MARK3: variants seen among roughly 807,000 people sequenced by gnomAD.
MARK3 encodes MAP/microtubule affinity-regulating kinase 3.
Under a neutral mutation model 90.1 loss-of-function variants are expected in MARK3, and 46 were observed. The observed-to-expected ratio is 0.51, with a 90% confidence interval of 0.40 to 0.65. The LOEUF is 0.65. Among genes scored for constraint, MARK3 ranks in the 30% least tolerant of loss-of-function variants. The probability of loss-of-function intolerance (pLI) is 0.00; values close to 1 mark genes in which losing one functional copy is unlikely to be tolerated. For missense variants in MARK3, 818 were observed against 947.2 expected, an observed-to-expected ratio of 0.86 and a Z score of 1.79; for synonymous variants, 321 against 332.6, an observed-to-expected ratio of 0.97 and a Z score of 0.38.
chr14:103,428,363 A>C, intron 2 of MARK3, 24 bp from the exon 3 acceptor site: 2 of 1,252,744 alleles, frequency 1.6e-6, no homozygotes, highest in South Asian at 2.8e-5. Flanking sequence ...CTTAAAATCC[A>C]TAAATATTTA....
At chr14:103,429,143 G>A (rs1024981380) in intron 3 of MARK3, 1 of 152,198 alleles carries the variant, frequency 6.6e-6, no homozygotes, top group Non-Finnish European at 1.5e-5. Flanking sequence ...AATCCTTCTA[G>A]TTGTTTTTAG....
At chr14:103,396,149 T>C (rs1027566486) in intron 1 of MARK3, among the ~76,000 whole-genome samples, 1 of 113,450 alleles carries the variant, frequency 8.8e-6, no homozygotes, top group Non-Finnish European at 1.8e-5. Context: ...CTCCAGTTTT[T>C]TGCCTGAGTG....
chr14:103,411,932 T>G (rs1399272460), intron 2 of MARK3, among the ~76,000 whole-genome samples: 1 of 135,148 alleles, frequency 7.4e-6, no homozygotes, highest in Non-Finnish European at 1.6e-5. Flanking sequence ...ATGACTCTTA[T>G]TTTTCAAAAT....
chr14:103,418,486 T>G lies in MARK3; in HGVS notation c.244-9901T>G, dbSNP rs895070574. 2.0e-5 allele frequency among the ~76,000 whole-genome samples: 3 copies of G among 152,110 alleles called. No individual in the cohort carries two copies. The East Asian group carries it at 5.8e-4, about 29-fold the overall frequency. ...TGCTTTTATTGAAGACCCCAGATAT[T>G]TGTGTCCTTAGATTTCTGAGAGTAT... On this transcript the variant is annotated intron_variant, in intron 2 of 17. Transcript: ENST00000429436.
chr14:103,399,713 GAAAA>G (rs375827394), intron 1 of MARK3, among the ~76,000 whole-genome samples: 2 of 121,214 alleles, frequency 1.6e-5, no homozygotes, highest in African/African-American at 6.3e-5. Context: ...AAAAAAAAAA[GAAAA>G]AAAAAAAAAA....
At chr14:103,470,112 C>T (rs1287001947) in intron 12 of MARK3, among the ~76,000 whole-genome samples, 1 of 151,748 alleles carries the variant, frequency 6.6e-6, no homozygotes, top group Non-Finnish European at 1.5e-5. Context: ...CAGTTGTGGC[C>T]AGTAACTCTC....
intron 4 of MARK3, among the ~76,000 whole-genome samples, chr14:103,450,404 AT>A (rs1241158502): frequency 3.9e-5 from 6 of 152,126 alleles, no homozygotes; most frequent in Admixed American, 2.6e-4. Context: ...AAACATGTTT[AT>A]TTTGTCTTTT....
chr14:103,494,994 A>G (rs554228051), intron 15 of MARK3, among the ~76,000 whole-genome samples: 5 of 152,272 alleles, frequency 3.3e-5, no homozygotes, highest in Admixed American at 1.3e-4. Context: ...TATGTACATT[A>G]TATATATGCA....
intron 2 of MARK3, among the ~76,000 whole-genome samples, chr14:103,410,416 C>A (rs138713777): frequency 6.6e-6 from 1 of 152,328 alleles, no homozygotes; most frequent in Admixed American, 6.5e-5. Context: ...AGGGGACATT[C>A]ATTCAAACCA....
intron 1 of MARK3, among the ~76,000 whole-genome samples, chr14:103,394,814 G>C (rs2090475722): frequency 6.6e-6 from 1 of 152,012 alleles, no homozygotes; most frequent in Non-Finnish European, 1.5e-5. Flanking sequence ...ATGGAGTCTT[G>C]CTCTGTTGCC....
At chr14:103,468,919 A>G (rs1196560578) in intron 12 of MARK3, among the ~76,000 whole-genome samples, 1 of 151,742 alleles carries the variant, frequency 6.6e-6, no homozygotes, top group Non-Finnish European at 1.5e-5. Context: ...GTGAGCCACC[A>G]TGCCCAGCGC....
intron 3 of MARK3, among the ~76,000 whole-genome samples, chr14:103,438,233 C>G (rs1169386908): frequency 6.6e-6 from 1 of 152,112 alleles, no homozygotes; most frequent in Non-Finnish European, 1.5e-5. Flanking sequence ...GAACTCCCGA[C>G]CTCAGGTGAT....
intron 1 of MARK3, among the ~76,000 whole-genome samples, chr14:103,387,313 A>G (rs115048576): frequency 9.4e-4 from 143 of 152,320 alleles, no homozygotes; most frequent in African/African-American, 3.2e-3. Context: ...ATTAGTATAC[A>G]ATATTTAATG....
At chr14:103,428,226 A>G (rs541371800) in intron 2 of MARK3, among the ~76,000 whole-genome samples, 161 bp from the exon 3 acceptor site, 5 of 152,264 alleles carry the variant, frequency 3.3e-5, no homozygotes, top group Admixed American at 6.5e-5. Flanking sequence ...CAGTTACACA[A>G]TTTTATAAAG....
rs71126030 is a variant in MARK3 at position 103,481,757 on chromosome 14, C to CTTTTTTTTTTTTT, written c.1586+1282_1586+1294dup. ...CAGATAATGATTGATATAGGTATTTCTTTTTTTTTTTTTTTTTTTTTTTTT... is the reference window on the plus strand; with the variant it reads ...CAGATAATGATTGATATAGGTATTTCTTTTTTTTTTTTTTTTTTTTTTTTTTTTTTTTTTTTTT... On this transcript the variant is annotated intron_variant, in intron 14 of 17. Coordinates refer to ENST00000429436, the MANE Select transcript of MARK3 (RefSeq NM_001128918.3). Among the ~76,000 whole-genome samples the CTTTTTTTTTTTTT allele has an allele frequency of 2.6e-3, 129 of 49,802 alleles. 37 individuals are homozygous for CTTTTTTTTTTTTT. The highest frequency in any genetic ancestry group is 3.3e-3 in the Non-Finnish European group (98 of 30,014). The allele number at this position is 49,802 out of a possible 152,430, so 32.7% of individuals were successfully genotyped here.
chr14:103,501,077 C>A (rs111668067), intron 17 of MARK3, among the ~76,000 whole-genome samples: 5 of 152,156 alleles, frequency 3.3e-5, no homozygotes, highest in Admixed American at 1.3e-4. Context: ...CCTCATTCAC[C>A]GTTTGTCCTT....
intron 17 of MARK3, among the ~76,000 whole-genome samples, chr14:103,502,433 A>C (rs1228106285): frequency 6.6e-6 from 1 of 152,234 alleles, no homozygotes; most frequent in African/African-American, 2.4e-5. Context: ...AGTTACCCTG[A>C]GTGCCAGTTA....
intron 6 of MARK3, 83 bp from the exon 7 acceptor site, chr14:103,462,322 A>T: frequency 2.1e-6 from 2 of 972,642 alleles, no homozygotes; most frequent in South Asian, 3.0e-5. Flanking sequence ...AGTATTCATT[A>T]TGTGTGAACA....
intron 3 of MARK3, among the ~76,000 whole-genome samples, chr14:103,440,914 T>A (rs1595690955): frequency 1.5e-5 from 2 of 135,402 alleles, no homozygotes; most frequent in African/African-American, 2.8e-5. Flanking sequence ...CCAGCCAGGG[T>A]AACAGAGCAG....
Sources: gnomAD v4.1 joint callset for allele counts (sites outside exome capture counted in the v4.1 genomes callset) on GRCh38, gnomAD v4.1.1 for gene constraint, MANE v1.5 for transcripts, NCBI Gene and HGNC (gene_info 2026-07-23, HGNC 2026-07-21) for gene names.